The following DCDC1 variants were observed in gnomAD, a reference collection of about 807,000 sequenced individuals.
The protein encoded by DCDC1 is doublecortin domain containing 1.
Under a neutral mutation model 178.3 loss-of-function variants are expected in DCDC1, and 200 were observed. The observed-to-expected ratio is 1.12, with a 90% confidence interval of 1.00 to 1.26. The LOEUF (loss-of-function observed/expected upper bound fraction) is 1.26, where lower values mean the gene tolerates loss of function less well. Among genes scored for constraint, DCDC1 ranks in the 50% most tolerant of loss-of-function variants. The probability of loss-of-function intolerance (pLI) is 0.00; values close to 1 mark genes in which losing one functional copy is unlikely to be tolerated. For missense variants in DCDC1, 1,983 were observed against 1,749.2 expected (o/e 1.13, Z -2.38); for synonymous variants, 690 against 604.8 (o/e 1.14, Z -2.07).
At chr11:31,068,731 A>C (rs1956390632) in intron 18 of DCDC1, among the ~76,000 whole-genome samples, 1 of 152,202 alleles carries the variant, frequency 6.6e-6, no homozygotes, top group Admixed American at 6.5e-5. Flanking sequence ...AATGAGAATC[A>C]TTTTATACAT....
rs567529821 is a variant in DCDC1 at position 31,307,974 on chromosome 11, T to C, written c.165-66A>G. The C allele has an allele frequency of 6.3e-6, 10 of 1,584,432 alleles. No individual in the cohort carries two copies. The East Asian group carries it at 1.6e-4, about 25-fold the overall frequency. ...TGTAATCATTTATTAACAAATACCA[T>C]ATAATAACGAGTTGTGTGCTATGTG... is the stretch of plus-strand genomic sequence containing the variant. On this transcript the variant is annotated intron_variant, in intron 3 of 38. Transcript: ENST00000684477.
At chr11:30,979,549 C>G (rs1950279875) in intron 20 of DCDC1, among the ~76,000 whole-genome samples, 1 of 152,104 alleles carries the variant, frequency 6.6e-6, no homozygotes, top group African/African-American at 2.4e-5. Flanking sequence ...CACTTACCAG[C>G]CTTCAGGTCT....
chr11:30,900,166 C>T (rs988268406), intron 33 of DCDC1, among the ~76,000 whole-genome samples, 180 bp downstream of exon 33: 3 of 152,094 alleles, frequency 2.0e-5, no homozygotes, highest in African/African-American at 7.2e-5. Context: ...AATGTGCAAA[C>T]ATGAGAGTAT....
intron 20 of DCDC1, among the ~76,000 whole-genome samples, chr11:30,988,705 T>C (rs1950799492): frequency 6.6e-6 from 1 of 152,178 alleles, no homozygotes; most frequent in Non-Finnish European, 1.5e-5. Context: ...TAATGATAGC[T>C]GATAACTGAT....
chr11:30,990,773 A>C (rs1410439570), intron 20 of DCDC1, among the ~76,000 whole-genome samples: 1 of 152,172 alleles, frequency 6.6e-6, no homozygotes. Flanking sequence ...ACACAGTGGA[A>C]TTGTAGTTAA....
At chr11:31,122,438 C>T (rs184732441) in intron 11 of DCDC1, among the ~76,000 whole-genome samples, 2 of 152,178 alleles carry the variant, frequency 1.3e-5, no homozygotes, top group East Asian at 3.9e-4. Context: ...TGCACCACAC[C>T]TGAAGATGTG....
At chr11:31,083,958 G>A (rs1180681979) in intron 17 of DCDC1, among the ~76,000 whole-genome samples, 1 of 152,188 alleles carries the variant, frequency 6.6e-6, no homozygotes, top group Non-Finnish European at 1.5e-5. Flanking sequence ...TCTGTAAGGT[G>A]TCCAAAATAT....
intron 18 of DCDC1, among the ~76,000 whole-genome samples, chr11:31,071,243 A>G (rs1956540373): frequency 1.3e-5 from 2 of 152,190 alleles, no homozygotes; most frequent in Admixed American, 1.3e-4. Context: ...TTTGGTATTC[A>G]TAATAAAGAC....
chr11:31,014,898 T>C (rs1485572209), intron 20 of DCDC1, among the ~76,000 whole-genome samples: 2 of 152,134 alleles, frequency 1.3e-5, no homozygotes, highest in African/African-American at 2.4e-5. Flanking sequence ...TCTACTGTGA[T>C]TTAAATTTCA....
intron 21 of DCDC1, among the ~76,000 whole-genome samples, chr11:30,934,845 C>T (rs1033660112): frequency 6.6e-6 from 1 of 152,282 alleles, no homozygotes; most frequent in South Asian, 2.1e-4. Flanking sequence ...CATCCCTGTA[C>T]CCTGTCTCAA....
intron 8 of DCDC1, among the ~76,000 whole-genome samples, chr11:31,243,454 T>G (rs1977434434): frequency 6.6e-6 from 1 of 151,736 alleles, no homozygotes; most frequent in Admixed American, 6.6e-5. Flanking sequence ...GTGATAAGCT[T>G]GAATGATTTA....
At chr11:31,133,054 C>A (rs1415195535) in intron 10 of DCDC1, among the ~76,000 whole-genome samples, 1 of 152,158 alleles carries the variant, frequency 6.6e-6, no homozygotes, top group African/African-American at 2.4e-5. Flanking sequence ...GATTTATAGT[C>A]AGAGCAAAGT....
chr11:31,155,035 A>T (rs895726218), intron 9 of DCDC1, among the ~76,000 whole-genome samples: 1 of 152,172 alleles, frequency 6.6e-6, no homozygotes, highest in Non-Finnish European at 1.5e-5. Flanking sequence ...ATTTATTTTT[A>T]CTTAGTTCTG....
intron 38 of DCDC1, 36 bp downstream of exon 38, chr11:30,878,508 G>A: frequency 7.0e-7 from 1 of 1,429,334 alleles, no homozygotes; most frequent in Non-Finnish European, 9.3e-7. Context: ...TAATCATAAT[G>A]TCATAACAAA....
chr11:30,877,927 T>C (rs1333057940), intron 38 of DCDC1, among the ~76,000 whole-genome samples: 2 of 152,150 alleles, frequency 1.3e-5, no homozygotes, highest in Non-Finnish European at 2.9e-5. Context: ...CTATTCCATA[T>C]ATGGAATGTT....
rs201810330 is a variant in DCDC1, at chr11:31,265,633, G to C, written c.961-33C>G. ...GGAAAAAAAAATTATAAATAATTTA[G>C]TAAACTGGTTAAATTGAATACACAT... is the stretch of plus-strand genomic sequence containing the variant. On this transcript the variant is annotated intron_variant, in intron 7 of 38. Transcript: ENST00000684477. 259 of 1,111,700 alleles carry C rather than the reference G, an allele frequency of 2.3e-4. 1 individual carries two copies. The East Asian group carries it at 7.2e-3, about 31-fold the overall frequency. 68.9% of individuals were successfully genotyped at this position (1,111,700 alleles called of 1,614,324 possible). A position where few individuals can be genotyped will look rare whatever the true frequency, so the allele number is the denominator to read the frequency against.
chr11:31,180,470 G>A (rs1004266114), intron 9 of DCDC1, among the ~76,000 whole-genome samples: 9 of 152,146 alleles, frequency 5.9e-5, no homozygotes, highest in Admixed American at 3.3e-4. Flanking sequence ...TGCAGAAAGC[G>A]GGTGATTTCT....
chr11:31,017,487 A>G (rs1179798181), intron 20 of DCDC1, among the ~76,000 whole-genome samples: 1 of 152,154 alleles, frequency 6.6e-6, no homozygotes, highest in East Asian at 1.9e-4. Context: ...CCCTGTCTCA[A>G]AAATAAATTT....
intron 10 of DCDC1, among the ~76,000 whole-genome samples, chr11:31,132,575 G>A (rs1480230788): frequency 1.3e-5 from 2 of 151,494 alleles, no homozygotes; most frequent in Non-Finnish European, 2.9e-5. Context: ...GACAAAACTT[G>A]ACCTTTTGTG....
Sources: gnomAD v4.1 joint callset for allele counts (sites outside exome capture counted in the v4.1 genomes callset) on GRCh38, gnomAD v4.1.1 for gene constraint, MANE v1.5 for transcripts, NCBI Gene and HGNC (gene_info 2026-07-23, HGNC 2026-07-21) for gene names.